Variants in SNX27 observed in about 807,000 individuals in gnomAD.
SNX27 encodes the protein sorting nexin 27.
In SNX27, 22 loss-of-function variants were observed where a neutral mutation model predicts 71.6. That is an observed-to-expected ratio of 0.31 (90% CI 0.22 to 0.44). The LOEUF is 0.44. SNX27 is among the 20% of genes least tolerant of loss of function. SNX27 has a pLI of 1.00. For missense variants in SNX27, 531 were observed against 698.6 expected, an observed-to-expected ratio of 0.76 and a Z score of 2.70; for synonymous variants, 269 against 277.2, an observed-to-expected ratio of 0.97 and a Z score of 0.29.
rs1057135049 is a variant in SNX27 at position 151,677,104 on chromosome 1, C to A, written c.1150-6252C>A. 2.0e-5 allele frequency: 3 copies of A among 152,038 alleles called. No individual in the cohort carries two copies. In the East Asian group the frequency reaches 5.8e-4, roughly 29 times the overall value. The allele number at this position is 152,038 out of a possible 1,614,324, so 9.4% of individuals were successfully genotyped here. On this transcript the variant is annotated intron_variant, in intron 7 of 11. Coordinates refer to ENST00000458013, the MANE Select transcript of SNX27 (RefSeq NM_001330723.2). ...TTTTTTAAAAGTCTTGATATTCTTT[C>A]CCATTTTATGTTTTCTAATAATTTT... is the stretch of plus-strand genomic sequence containing the variant.
intron 1 of SNX27, chr1:151,614,485 AGCTAATTT>A (rs1667342092): frequency 6.6e-6 from 1 of 152,136 alleles, no homozygotes; most frequent in Non-Finnish European, 1.5e-5. Flanking sequence ...CATCATGACC[AGCTAATTT>A]TGTATTTTTA....
chr1:151,649,873 C>T (rs1001133881), intron 2 of SNX27, among the ~76,000 whole-genome samples: 1 of 151,878 alleles, frequency 6.6e-6, no homozygotes, highest in Non-Finnish European at 1.5e-5. Flanking sequence ...ACCTGTCTAA[C>T]TTTTATATTT....
At chr1:151,658,764 A>G (rs1669818922) in intron 3 of SNX27, among the ~76,000 whole-genome samples, 1 of 152,128 alleles carries the variant, frequency 6.6e-6, no homozygotes, top group Admixed American at 6.5e-5. Flanking sequence ...GCTCAACTGC[A>G]TCCTCTGCCT....
At chr1:151,693,677 C>T (rs558510655) in intron 11 of SNX27, 194 bp downstream of exon 11, 1 of 1,610,992 alleles carries the variant, frequency 6.2e-7, no homozygotes, top group Admixed American at 1.7e-5. Context: ...ACGGGCTGTG[C>T]AAAAAAGCCC....
At chr1:151,633,096 T>C (rs1027832906) in intron 1 of SNX27, among the ~76,000 whole-genome samples, 1 of 151,818 alleles carries the variant, frequency 6.6e-6, no homozygotes, top group Non-Finnish European at 1.5e-5. Flanking sequence ...ATGGTCTTGA[T>C]CTCCTGACCT....
intron 2 of SNX27, among the ~76,000 whole-genome samples, chr1:151,642,954 GTTTTA>G (rs532547285): frequency 1.3e-5 from 2 of 149,372 alleles, no homozygotes; most frequent in South Asian, 2.1e-4. Flanking sequence ...TTTTATTTTT[GTTTTA>G]TTTTATTTTA....
At chr1:151,693,649 T>C (rs549508145) in intron 11 of SNX27, 166 bp downstream of exon 11, 5 of 1,613,144 alleles carry the variant, frequency 3.1e-6, no homozygotes, top group Admixed American at 1.7e-5. Context: ...TCCAGCAAGG[T>C]TGGCCTCTGG....
intron 2 of SNX27, among the ~76,000 whole-genome samples, chr1:151,652,394 A>T (rs2102663464): frequency 1.4e-5 from 2 of 144,254 alleles, no homozygotes; most frequent in Non-Finnish European, 3.0e-5. Context: ...TTCATTTTTG[A>T]TACCACGCCT....
At chr1:151,671,634 A>T (rs1347543902) in intron 7 of SNX27, among the ~76,000 whole-genome samples, 1 of 151,236 alleles carries the variant, frequency 6.6e-6, no homozygotes, top group Admixed American at 6.6e-5. Flanking sequence ...TTTTGTGAAG[A>T]TGTCATTGGT....
intron 1 of SNX27, among the ~76,000 whole-genome samples, chr1:151,619,525 T>G (rs1667575311): frequency 6.6e-6 from 1 of 152,136 alleles, no homozygotes; most frequent in South Asian, 2.1e-4. Context: ...GGTCTGAGAT[T>G]CCTGGGCTGA....
Position 151,692,958 on chromosome 1 carries a change from A to G in SNX27, c.1437A>G (p.Thr479=). 6.2e-7 allele frequency: 1 copy of G among 1,614,206 alleles called. No individual in the cohort carries two copies. ...FEWDEMQRWD[T]DEEGMAFCFE... is the part of the protein sequence containing the mutation. ...GGGATGAGATGCAGCGATGGGACACAGATGAAGAAGGGATGGCCTTCTGTT... is the reference window on the plus strand; with the variant it reads ...GGGATGAGATGCAGCGATGGGACACGGATGAAGAAGGGATGGCCTTCTGTT... Residue 479 remains threonine (T), a synonymous_variant, in exon 10 of 12, where the codon ACA becomes ACG. Transcript: ENST00000458013.
rs1474101010 is a variant in SNX27, at chr1:151,697,610, T to C, written c.*3193T>C. 1.3e-5 allele frequency: 2 copies of C among 152,744 alleles called. No individual in the cohort carries two copies. Among genetic ancestry groups the C allele is most frequent in the African/African-American group, 2.4e-5 (1 of 41,442 alleles). 9.5% of individuals were successfully genotyped at this position (152,744 alleles called of 1,614,324 possible). On this transcript the variant is annotated 3_prime_UTR_variant, in exon 12 of 12. Transcript: ENST00000458013. Reference sequence around the variant, plus strand: ...TCCACCCATGCACGGCCTTGGGTGATGGAGGCGGGTTCCCTGTGGCTGCGT... The same window carrying C: ...TCCACCCATGCACGGCCTTGGGTGACGGAGGCGGGTTCCCTGTGGCTGCGT...
Position 151,665,927 on chromosome 1 carries a change from C to T in SNX27, c.907-6C>T. 2 of 1,599,346 alleles carry T rather than the reference C, an allele frequency of 1.3e-6. No individual in the cohort carries two copies. Among genetic ancestry groups the T allele is most frequent in the Non-Finnish European group, 1.7e-6 (2 of 1,170,840 alleles). On this transcript the variant is annotated splice_polypyrimidine_tract_variant and splice_region_variant and intron_variant, in intron 5 of 11. Transcript: ENST00000458013. ...CTTGAAACCAATCTATCCTGTTTAA[C>T]CTTAGGCTATCGCAGCAAAGGTTGG... is the stretch of plus-strand genomic sequence containing the variant.
At chr1:151,618,206 T>C (rs1213668631) in intron 1 of SNX27, among the ~76,000 whole-genome samples, 3 of 152,150 alleles carry the variant, frequency 2.0e-5, no homozygotes, top group Admixed American at 2.0e-4. Context: ...GTGGTTGAAC[T>C]TTGGTTCTAC....
chr1:151,693,262 A>C, intron 10 of SNX27, 162 bp from the exon 11 acceptor site: 1 of 893,424 alleles, frequency 1.1e-6, no homozygotes, highest in Non-Finnish European at 1.7e-6. Flanking sequence ...AGAAGGAGCT[A>C]GAGAATAGTG....
At chr1:151,680,370 G>GAACTCA (rs1670886122) in intron 7 of SNX27, 1 of 152,062 alleles carries the variant, frequency 6.6e-6, no homozygotes, top group Non-Finnish European at 1.5e-5. Flanking sequence ...TGGCCAGGCT[G>GAACTCA]GTCTTGAACT....
chr1:151,686,089 C>A (rs544441210), intron 8 of SNX27, among the ~76,000 whole-genome samples: 71 of 152,314 alleles, frequency 4.7e-4, no homozygotes, highest in Non-Finnish European at 8.2e-4. Context: ...CTGCAGTAAT[C>A]CTTTGCCTTT....
chr1:151,687,979 A>G lies in SNX27; in HGVS notation c.1240-4456A>G, dbSNP rs140621113. Reference sequence around the variant, plus strand: ...AAAAAAACAACGAAAAACAAAAAAAAAAACTGCCCTATGTCTGTATTTATT... The same window carrying G: ...AAAAAAACAACGAAAAACAAAAAAAGAAACTGCCCTATGTCTGTATTTATT... On this transcript the variant is annotated intron_variant, in intron 8 of 11. Transcript: ENST00000458013. Among the ~76,000 whole-genome samples the G allele has an allele frequency of 9.4e-3, 1,434 of 151,924 alleles. 31 individuals carry two copies. The highest frequency in any genetic ancestry group is 0.032 in the African/African-American group (1,346 of 41,470).
chr1:151,646,521 T>TC (rs1387014639), intron 2 of SNX27, among the ~76,000 whole-genome samples: 1 of 150,852 alleles, frequency 6.6e-6, no homozygotes, highest in Admixed American at 6.6e-5. Context: ...TTGTTTTTTT[T>TC]CTTGGTTTAC....
Sources: allele counts gnomAD v4.1 joint callset (sites outside exome capture counted in the v4.1 genomes callset), GRCh38; gene constraint gnomAD v4.1.1; transcripts MANE v1.5; gene names NCBI Gene and HGNC (gene_info 2026-07-23, HGNC 2026-07-21).